Variants in MALRD1 observed in about 807,000 individuals in gnomAD.
MALRD1 encodes the protein MAM and LDL-receptor class A domain-containing protein 1.
MALRD1 carries 247 observed loss-of-function variants against 242.1 expected under a neutral mutation model. That is an observed-to-expected ratio of 1.02 (90% confidence interval 0.92 to 1.13). The LOEUF (loss-of-function observed/expected upper bound fraction) is 1.13, where lower values mean the gene tolerates loss of function less well. MALRD1 is among the 50% of genes most tolerant of loss of function. The probability of loss-of-function intolerance (pLI) is 0.00; values close to 1 mark genes in which losing one functional copy is unlikely to be tolerated. For missense variants in MALRD1, 2,989 were observed against 2,533.1 expected (o/e 1.18, Z -3.86); for synonymous variants, 995 against 866.6 (o/e 1.15, Z -2.60).
In MALRD1 at chr10:19,234,866, G is replaced by A. The variant is rs115291790; in HGVS notation, c.2992-22818G>A. Among the ~76,000 whole-genome samples, 619 of 152,236 alleles carry A rather than the reference G, an allele frequency of 4.1e-3. 9 individuals carry two copies. The highest frequency in any genetic ancestry group is 0.014 in the African/African-American group (583 of 41,550). ...ATCTGACTCAGCATGGAGGTGTCAC[G>A]GAAGGTGTTGTTTTGCTTAGGTTTT... On this transcript the variant is annotated intron_variant, in intron 18 of 39. Coordinates refer to ENST00000454679, the MANE Select transcript of MALRD1 (RefSeq NM_001142308.3).
At chr10:19,372,778 T>A (rs1196981232) in intron 26 of MALRD1, among the ~76,000 whole-genome samples, 1 of 152,126 alleles carries the variant, frequency 6.6e-6, no homozygotes, top group African/African-American at 2.4e-5. Context: ...AGTATTCAAT[T>A]TTTTAAACTC....
chr10:19,295,184 G>T (rs978977087), intron 21 of MALRD1, among the ~76,000 whole-genome samples: 1 of 151,878 alleles, frequency 6.6e-6, no homozygotes, highest in Non-Finnish European at 1.5e-5. Flanking sequence ...ATACACAGTA[G>T]AATTTTGTGT....
In MALRD1 at chr10:19,331,298, G is replaced by A; in HGVS notation, c.3688-71G>A. The A allele has an allele frequency of 5.8e-6, 7 of 1,208,870 alleles. No individual in the cohort carries two copies. In the Admixed American group the frequency reaches 1.0e-4, roughly 18 times the overall value. 74.9% of individuals were successfully genotyped at this position (1,208,870 alleles called of 1,614,324 possible). On this transcript the variant is annotated intron_variant, in intron 23 of 39. Coordinates refer to ENST00000454679, the MANE Select transcript of MALRD1 (RefSeq NM_001142308.3). ...AAACAGATTCACGATTGATGTGCTT[G>A]ATACTTAGTGTTTGCCCAGGTTTTG...
At chr10:19,120,257 A>G (rs1564404157) in intron 5 of MALRD1, among the ~76,000 whole-genome samples, 1 of 152,190 alleles carries the variant, frequency 6.6e-6, no homozygotes, top group Non-Finnish European at 1.5e-5. Flanking sequence ...TCAGAAAACC[A>G]GAAAAGAGTT....
chr10:19,203,985 G>C, intron 15 of MALRD1, 105 bp downstream of exon 15: 5 of 1,331,222 alleles, frequency 3.8e-6, no homozygotes, highest in Non-Finnish European at 4.2e-6. Context: ...ACAACAAACA[G>C]TCAGATAGTT....
Position 19,638,136 on chromosome 10 carries a change from C to T in MALRD1, c.6137+22213C>T, listed in dbSNP as rs866818572. Among the ~76,000 whole-genome samples the T allele has an allele frequency of 9.6e-3, 1,354 of 141,048 alleles. 19 individuals are homozygous for T. Among genetic ancestry groups the T allele is most frequent in the African/African-American group, 0.033 (1,267 of 38,726 alleles). The allele number at this position is 141,048 out of a possible 152,430, so 92.5% of individuals were successfully genotyped here. A position where few individuals can be genotyped will look rare whatever the true frequency, so the allele number is the denominator to read the frequency against. The stretch of plus-strand genomic sequence containing the variant: ...AAAAAAAAAAAAAAAAAATAGAATT[C>T]GGTACCCATGGCAAAACTATCCATG... On this transcript the variant is annotated intron_variant, in intron 36 of 39. Coordinates refer to ENST00000454679, the MANE Select transcript of MALRD1 (RefSeq NM_001142308.3).
intron 18 of MALRD1, among the ~76,000 whole-genome samples, chr10:19,251,020 G>A (rs1839272909): frequency 6.6e-6 from 1 of 151,822 alleles, no homozygotes; most frequent in African/African-American, 2.4e-5. Context: ...AAGGCTTTGT[G>A]GGCAAGCGGC....
chr10:19,474,917 T>A (rs1340521044), intron 29 of MALRD1, among the ~76,000 whole-genome samples: 1 of 152,172 alleles, frequency 6.6e-6, no homozygotes, highest in Non-Finnish European at 1.5e-5. Context: ...GAATGTTATA[T>A]AACATTTATT....
chr10:19,176,184 A>C (rs1353705689), intron 14 of MALRD1, among the ~76,000 whole-genome samples: 1 of 151,950 alleles, frequency 6.6e-6, no homozygotes, highest in East Asian at 1.9e-4. Context: ...TATATTCCTA[A>C]GTTATATATA....
At chr10:19,622,089 T>A (rs1839429123) in intron 36 of MALRD1, among the ~76,000 whole-genome samples, 1 of 151,628 alleles carries the variant, frequency 6.6e-6, no homozygotes, top group Non-Finnish European at 1.5e-5. Flanking sequence ...AAAAAGCACT[T>A]CCATTAAAAT....
At chr10:19,705,804 T>TGAAAAAAAAAAAAAAAAAA (rs71388859) in intron 38 of MALRD1, among the ~76,000 whole-genome samples, 20 of 102,866 alleles carry the variant, frequency 1.9e-4, no homozygotes, top group South Asian at 3.7e-4. Flanking sequence ...CCTGCAATAG[T>TGAAAAAAAAAAAAAAAAAA]AAAAAAAAAA....
intron 28 of MALRD1, among the ~76,000 whole-genome samples, chr10:19,395,417 T>C (rs1846532260): frequency 6.6e-6 from 1 of 152,180 alleles, no homozygotes; most frequent in Admixed American, 6.5e-5. Flanking sequence ...GGGGAACTAC[T>C]CGAACTGGGG....
At chr10:19,561,888 T>C (rs2131441970) in intron 32 of MALRD1, among the ~76,000 whole-genome samples, 1 of 152,280 alleles carries the variant, frequency 6.6e-6, no homozygotes, top group South Asian at 2.1e-4. Flanking sequence ...CTTTAAATAG[T>C]TTGCCTTAAG....
At chr10:19,480,641 C>T (rs1490371558) in intron 29 of MALRD1, among the ~76,000 whole-genome samples, 2 of 152,106 alleles carry the variant, frequency 1.3e-5, no homozygotes, top group Non-Finnish European at 2.9e-5. Flanking sequence ...TCTTTTAGTG[C>T]AGTAGTAGAA....
At chr10:19,236,948 T>C (rs972699032) in intron 18 of MALRD1, among the ~76,000 whole-genome samples, 2 of 152,034 alleles carry the variant, frequency 1.3e-5, no homozygotes, top group Non-Finnish European at 2.9e-5. Context: ...AAACTTTGCA[T>C]TGGTGGTTGA....
intron 14 of MALRD1, among the ~76,000 whole-genome samples, chr10:19,194,787 T>TA (rs1836158496): frequency 6.6e-6 from 1 of 152,128 alleles, no homozygotes; most frequent in Non-Finnish European, 1.5e-5. Context: ...AAAATTTACT[T>TA]AAATTCTCTC....
intron 4 of MALRD1, among the ~76,000 whole-genome samples, chr10:19,103,074 C>T (rs1179486805): frequency 6.6e-6 from 1 of 151,770 alleles, no homozygotes; most frequent in Non-Finnish European, 1.5e-5. Context: ...GTCTAGAACT[C>T]CTGACCTCAA....
chr10:19,280,030 T>C lies in MALRD1; in HGVS notation c.3080-17T>C. 6.8e-7 allele frequency: 1 copy of C among 1,476,412 alleles called. No homozygotes were observed. The highest frequency in any genetic ancestry group is 1.4e-5 in the South Asian group (1 of 71,378). The allele number at this position is 1,476,412 out of a possible 1,614,324, so 91.5% of individuals were successfully genotyped here. ...GAAAACCTGCTAAATGATGCCTGTA[T>C]ATTATTTCTTATCAAGGTAATTTGC... On this transcript the variant is annotated splice_polypyrimidine_tract_variant and intron_variant, in intron 19 of 39. Transcript: ENST00000454679.
intron 17 of MALRD1, among the ~76,000 whole-genome samples, chr10:19,205,962 A>C (rs1042515882): frequency 6.6e-6 from 1 of 151,026 alleles, no homozygotes; most frequent in East Asian, 1.9e-4. Context: ...AAAAGTTTGC[A>C]TCTTTCCTTG....
Sources: gnomAD v4.1 joint callset for allele counts (sites outside exome capture counted in the v4.1 genomes callset) on GRCh38, gnomAD v4.1.1 for gene constraint, MANE v1.5 for transcripts, NCBI Gene and HGNC (gene_info 2026-07-23, HGNC 2026-07-21) for gene names.